Variants in TENM2 observed in about 807,000 individuals in gnomAD.
TENM2 encodes teneurin-2.
In TENM2, 52 loss-of-function variants were observed where a neutral mutation model predicts 245.2. That is an observed-to-expected ratio of 0.21 (90% confidence interval 0.17 to 0.27). The LOEUF is 0.27. Ranked by LOEUF, TENM2 falls within the 10% of genes least tolerant of loss-of-function variation. The pLI, the probability that TENM2 is intolerant of heterozygous loss-of-function variation, is 1.00. For missense variants in TENM2, 3,046 were observed against 3,666.8 expected (o/e 0.83, Z 4.37); for synonymous variants, 1,363 against 1,438.9 (o/e 0.95, Z 1.19).
At chr5:167,357,520 A>G (rs1759424518) in intron 1 of TENM2, among the ~76,000 whole-genome samples, 1 of 152,002 alleles carries the variant, frequency 6.6e-6, no homozygotes, top group Non-Finnish European at 1.5e-5. Flanking sequence ...TCAGCCTCCC[A>G]AAGTGCTGGG....
intron 3 of TENM2, among the ~76,000 whole-genome samples, chr5:167,928,293 G>C (rs1046746655): frequency 7.9e-5 from 12 of 152,136 alleles, no homozygotes; most frequent in African/African-American, 2.9e-4. Context: ...TATTCTCAAG[G>C]CCCTCAAAAC....
At chr5:167,624,223 G>A (rs1778357992) in intron 2 of TENM2, among the ~76,000 whole-genome samples, 2 of 152,130 alleles carry the variant, frequency 1.3e-5, no homozygotes, top group Admixed American at 6.6e-5. Context: ...ATATACCATG[G>A]AATAGTACAC....
the TENM2 span, among the ~76,000 whole-genome samples, chr5:167,255,622 T>C: frequency 6.6e-6 from 1 of 152,210 alleles, no homozygotes; most frequent in African/African-American, 2.4e-5. Context: ...AGATTTCGAT[T>C]TTTTGTGGCC....
intron 2 of TENM2, among the ~76,000 whole-genome samples, chr5:167,602,901 G>A (rs1184997362): frequency 6.6e-6 from 1 of 152,174 alleles, no homozygotes; most frequent in Non-Finnish European, 1.5e-5. Flanking sequence ...AGGGCTTCCT[G>A]GAAGAGAATG....
chr5:167,262,050 C>T, the TENM2 span, among the ~76,000 whole-genome samples: 5 of 152,124 alleles, frequency 3.3e-5, no homozygotes, highest in Non-Finnish European at 5.9e-5. Context: ...GTTTATAAAA[C>T]AGGTTTATTG....
At chr5:167,255,358 A>G in the TENM2 span, among the ~76,000 whole-genome samples, 1 of 152,090 alleles carries the variant, frequency 6.6e-6, no homozygotes, top group Admixed American at 6.6e-5. Context: ...TATTTAATGT[A>G]TCAAAAATTG....
chr5:167,195,512 A>C, the TENM2 span, among the ~76,000 whole-genome samples: 1 of 152,040 alleles, frequency 6.6e-6, no homozygotes, highest in Admixed American at 6.6e-5. Flanking sequence ...TTGTATCATG[A>C]AAGCAGCTAC....
chr5:167,754,028 G>T (rs1478529582), intron 2 of TENM2, among the ~76,000 whole-genome samples: 3 of 152,050 alleles, frequency 2.0e-5, no homozygotes, highest in Non-Finnish European at 2.9e-5. Context: ...TACTTTGTCT[G>T]CCATATTGAT....
intron 27 of TENM2, among the ~76,000 whole-genome samples, chr5:168,252,841 C>CA (rs1446217788): frequency 2.0e-5 from 3 of 148,644 alleles, no homozygotes; most frequent in Non-Finnish European, 4.5e-5. Flanking sequence ...GAGCGAAACT[C>CA]AGTCTCAAAA....
At chr5:167,373,784 CCT>C (rs761919812) in intron 1 of TENM2, among the ~76,000 whole-genome samples, 4 of 152,084 alleles carry the variant, frequency 2.6e-5, no homozygotes, top group East Asian at 1.9e-4. Context: ...TGGTGTTTAA[CCT>C]CTCTTTGTAA....
the TENM2 span, among the ~76,000 whole-genome samples, chr5:167,018,486 G>A: frequency 6.6e-6 from 1 of 151,758 alleles, no homozygotes; most frequent in Non-Finnish European, 1.5e-5. Flanking sequence ...AGTAATGAAG[G>A]TTCATTATGA....
At chr5:167,176,163 T>C in the TENM2 span, among the ~76,000 whole-genome samples, 3 of 152,246 alleles carry the variant, frequency 2.0e-5, no homozygotes, top group Non-Finnish European at 4.4e-5. Context: ...CTTTCTCCTA[T>C]TCTTTCAAGC....
intron 2 of TENM2, among the ~76,000 whole-genome samples, chr5:167,483,366 A>G (rs1767874293): frequency 6.6e-6 from 1 of 152,216 alleles, no homozygotes; most frequent in Non-Finnish European, 1.5e-5. Context: ...TCTCAGATGC[A>G]TAATCAGATG....
At chr5:167,078,525 A>ACAG in the TENM2 span, among the ~76,000 whole-genome samples, 1 of 150,270 alleles carries the variant, frequency 6.7e-6, no homozygotes, top group African/African-American at 2.5e-5. Context: ...AACAACAACA[A>ACAG]GGCACGTTAA....
the TENM2 span, among the ~76,000 whole-genome samples, chr5:167,048,287 C>T: frequency 1.3e-5 from 2 of 152,088 alleles, no homozygotes; most frequent in South Asian, 2.1e-4. Flanking sequence ...TATTATTCTC[C>T]GTATGATAGT....
the TENM2 span, among the ~76,000 whole-genome samples, chr5:167,041,179 C>A: frequency 6.6e-6 from 1 of 152,190 alleles, no homozygotes; most frequent in Non-Finnish European, 1.5e-5. Context: ...AATCCTTTCC[C>A]TGGTTGTATT....
At chr5:167,823,447 C>T (rs553694617) in intron 2 of TENM2, among the ~76,000 whole-genome samples, 1 of 152,138 alleles carries the variant, frequency 6.6e-6, no homozygotes, top group Non-Finnish European at 1.5e-5. Context: ...TTCCCCTCAC[C>T]CCCCTGCCAC....
the TENM2 span, among the ~76,000 whole-genome samples, chr5:167,269,137 A>G: frequency 6.6e-6 from 1 of 152,164 alleles, no homozygotes; most frequent in Admixed American, 6.6e-5. Flanking sequence ...ACGTCACAAA[A>G]TTTGTATGAA....
chr5:167,992,124 C>T (rs766146410), intron 4 of TENM2, among the ~76,000 whole-genome samples: 7 of 151,866 alleles, frequency 4.6e-5, no homozygotes, highest in Non-Finnish European at 1.0e-4. Context: ...TTGGAAGGAA[C>T]GGTGGAGGGG....
Sources: allele counts gnomAD v4.1 joint callset (sites outside exome capture counted in the v4.1 genomes callset), GRCh38; gene constraint gnomAD v4.1.1; transcripts MANE v1.5; gene names NCBI Gene and HGNC (gene_info 2026-07-23, HGNC 2026-07-21).